Variants in FKTN observed in about 807,000 individuals in gnomAD.
The protein encoded by FKTN is fukutin.
A neutral mutation model predicts 58.6 loss-of-function variants in FKTN; 47 were observed. The ratio of observed to expected loss-of-function variants is 0.80; its 90% confidence interval spans 0.63 to 1.02. The LOEUF is 1.02. Ranked by LOEUF, FKTN falls within the 50% of genes least tolerant of loss-of-function variation. The pLI, the probability that FKTN is intolerant of heterozygous loss-of-function variation, is 0.00. For synonymous variants in FKTN, 178 were observed against 191.9 expected (o/e 0.93, Z 0.60); for missense variants, 516 against 537.3 (o/e 0.96, Z 0.39).
At chr9:105,583,666 A>G (rs1210202760) in intron 3 of FKTN, among the ~76,000 whole-genome samples, 1 of 152,110 alleles carries the variant, frequency 6.6e-6, no homozygotes. Flanking sequence ...TTTTAACTTT[A>G]TATTCATGAT....
rs1834019636 is a variant in FKTN, at chr9:105,636,175, G to T, written c.*911G>T. ...TATATTTTCTGAATTTATAATCTGT[G>T]CACTCCCAATTTTAATGACACTAAA... On this transcript the variant is annotated 3_prime_UTR_variant, in exon 11 of 11. Coordinates refer to ENST00000357998, the MANE Select transcript of FKTN (RefSeq NM_001079802.2). 1 of 905,642 alleles carries T rather than the reference G, an allele frequency of 1.1e-6. No individual in the cohort carries two copies. The allele number at this position is 905,642 out of a possible 1,614,324, so 56.1% of individuals were successfully genotyped here. A position where few individuals can be genotyped will look rare whatever the true frequency, so the allele number is the denominator to read the frequency against.
chr9:105,585,313 TA>T (rs1188576472), intron 3 of FKTN, among the ~76,000 whole-genome samples: 2 of 152,042 alleles, frequency 1.3e-5, no homozygotes, highest in African/African-American at 2.4e-5. Flanking sequence ...TAGTCCTAGC[TA>T]CTTGGGACAC....
intron 3 of FKTN, among the ~76,000 whole-genome samples, chr9:105,590,691 G>C (rs955100804): frequency 6.6e-6 from 1 of 152,194 alleles, no homozygotes; most frequent in Non-Finnish European, 1.5e-5. Context: ...GGAAGAGCAA[G>C]TTTGAGGAAT....
rs977794653 is a variant in FKTN at position 105,636,876 on chromosome 9, T to C, written c.*1612T>C. ...CCCATTCCGGATTTGTAAAGCAACA[T>C]GAAAACCTTTGATAAATGATAACCA... On this transcript the variant is annotated 3_prime_UTR_variant, in exon 11 of 11. Coordinates refer to ENST00000357998, the MANE Select transcript of FKTN (RefSeq NM_001079802.2). The C allele has an allele frequency of 3.6e-6, 4 of 1,115,484 alleles. No homozygotes were observed. Among genetic ancestry groups the C allele is most frequent in the African/African-American group, 3.3e-5 (2 of 61,398 alleles). The allele number at this position is 1,115,484 out of a possible 1,614,324, so 69.1% of individuals were successfully genotyped here. A position where few individuals can be genotyped will look rare whatever the true frequency, so the allele number is the denominator to read the frequency against.
At chr9:105,589,292 G>A (rs1844436274) in intron 3 of FKTN, among the ~76,000 whole-genome samples, 1 of 152,178 alleles carries the variant, frequency 6.6e-6, no homozygotes, top group South Asian at 2.1e-4. Context: ...GAGGTCAGGA[G>A]TTCGAGACCA....
intron 3 of FKTN, among the ~76,000 whole-genome samples, chr9:105,583,452 C>T (rs925863692): frequency 2.6e-5 from 4 of 152,054 alleles, no homozygotes; most frequent in Admixed American, 6.6e-5. Context: ...CATTAGAGGT[C>T]GTTTCTTTGA....
At chr9:105,601,452 C>A in intron 5 of FKTN, 104 bp downstream of exon 5, 3 of 760,380 alleles carry the variant, frequency 3.9e-6, no homozygotes, top group Non-Finnish European at 6.7e-6. Context: ...TCCTGAAACA[C>A]TTTATAAATT....
At chr9:105,611,938 A>G (rs995681321) in intron 7 of FKTN, among the ~76,000 whole-genome samples, 3 of 152,178 alleles carry the variant, frequency 2.0e-5, no homozygotes, top group African/African-American at 4.8e-5. Context: ...TGTCTTCCAC[A>G]ATGGTTGAAC....
At position 105,638,789 on chromosome 9, in the gene FKTN, G is replaced by A. The variant is rs1395189860; in HGVS notation, c.*3525G>A. On this transcript the variant is annotated 3_prime_UTR_variant, in exon 11 of 11. Coordinates refer to ENST00000357998, the MANE Select transcript of FKTN (RefSeq NM_001079802.2). The stretch of plus-strand genomic sequence containing the variant: ...TATTGATACTCTCTGATAAATGCAG[G>A]TAGTTAAGAATAGATTGTACTCATT... The A allele has an allele frequency of 2.0e-6, 2 of 981,284 alleles. No homozygotes were observed. The highest frequency in any genetic ancestry group is 2.4e-6 in the Non-Finnish European group (2 of 826,408). 60.8% of individuals were successfully genotyped at this position (981,284 alleles called of 1,614,324 possible).
At chr9:105,594,576 T>C (rs549702422) in intron 3 of FKTN, among the ~76,000 whole-genome samples, 2 of 152,308 alleles carry the variant, frequency 1.3e-5, no homozygotes, top group East Asian at 3.9e-4. Context: ...ACAACCTGTC[T>C]TTATGAAAAA....
intron 8 of FKTN, among the ~76,000 whole-genome samples, chr9:105,615,642 A>G (rs1830667750): frequency 6.6e-6 from 1 of 152,200 alleles, no homozygotes; most frequent in Non-Finnish European, 1.5e-5. Context: ...TATAAATAAT[A>G]TGTATAAAAT....
At chr9:105,561,502 C>A (rs1838301268) in intron 1 of FKTN, among the ~76,000 whole-genome samples, 1 of 152,140 alleles carries the variant, frequency 6.6e-6, no homozygotes, top group African/African-American at 2.4e-5. Flanking sequence ...CAAAGACAAT[C>A]CTTGCTGTCT....
At chr9:105,570,168 T>C (rs1840491955) in intron 1 of FKTN, among the ~76,000 whole-genome samples, 1 of 152,094 alleles carries the variant, frequency 6.6e-6, no homozygotes, top group African/African-American at 2.4e-5. Context: ...TCAAATTCTG[T>C]TTTATTGTAA....
At chr9:105,590,621 G>A (rs1380945291) in intron 3 of FKTN, among the ~76,000 whole-genome samples, 1 of 152,170 alleles carries the variant, frequency 6.6e-6, no homozygotes, top group Non-Finnish European at 1.5e-5. Context: ...GATAACTCTA[G>A]TATTTTTGTC....
chr9:105,636,321 T>G lies in FKTN; in HGVS notation c.*1057T>G, dbSNP rs1281726178. ...TCTATATACCAATTTAAATGGCATG[T>G]AAACCTGCCTGTTTCTTCTCCTCTT... On this transcript the variant is annotated 3_prime_UTR_variant, in exon 11 of 11. Coordinates refer to ENST00000357998, the MANE Select transcript of FKTN (RefSeq NM_001079802.2). The G allele has an allele frequency of 2.0e-6, 2 of 978,576 alleles. No homozygotes were observed. The highest frequency in any genetic ancestry group is 1.8e-5 in the African/African-American group (1 of 57,120). The allele number at this position is 978,576 out of a possible 1,614,324, so 60.6% of individuals were successfully genotyped here. A position where few individuals can be genotyped will look rare whatever the true frequency, so the allele number is the denominator to read the frequency against.
chr9:105,640,501 C>CA lies in FKTN; in HGVS notation c.*5239dup, dbSNP rs1474531279. On this transcript the variant is annotated 3_prime_UTR_variant, in exon 11 of 11. Coordinates refer to ENST00000357998, the MANE Select transcript of FKTN (RefSeq NM_001079802.2). ...CCGGGAAGCAGAGTCTGCAGTGAGC[C>CA]AAGATCGCGGCATTGCACTTCAGCC... 1 of 162,172 alleles carries CA rather than the reference C, an allele frequency of 6.2e-6. No individual in the cohort carries two copies. The highest frequency in any genetic ancestry group is 1.3e-5 in the Non-Finnish European group (1 of 75,198). 10.0% of individuals were successfully genotyped at this position (162,172 alleles called of 1,614,324 possible). A position where few individuals can be genotyped will look rare whatever the true frequency, so the allele number is the denominator to read the frequency against.
intron 3 of FKTN, among the ~76,000 whole-genome samples, chr9:105,577,591 G>A (rs770782377): frequency 2.0e-5 from 3 of 147,232 alleles, no homozygotes; most frequent in Non-Finnish European, 3.0e-5. Flanking sequence ...ATAGTTTGAA[G>A]TCAGGTAGCG....
In FKTN at chr9:105,596,883, A is replaced by G. The variant is rs569730873; in HGVS notation, c.165+226A>G. The stretch of plus-strand genomic sequence containing the variant: ...AAGTGAGTAAATATTGTTACTCTCA[A>G]TTCACTTAGAGAGATTAAACTTAGT... On this transcript the variant is annotated intron_variant, in intron 4 of 10. Transcript: ENST00000357998. Among the ~76,000 whole-genome samples the G allele has an allele frequency of 8.5e-4, 129 of 152,328 alleles. 1 individual carries two copies. The highest frequency in any genetic ancestry group is 3.9e-3 in the South Asian group (19 of 4,822).
At chr9:105,560,772 G>C (rs991640850) in intron 1 of FKTN, among the ~76,000 whole-genome samples, 3 of 152,114 alleles carry the variant, frequency 2.0e-5, no homozygotes, top group Admixed American at 2.0e-4. Flanking sequence ...TTAAGTACTT[G>C]CATTCTTGAG....
Sources: allele counts gnomAD v4.1 joint callset (sites outside exome capture counted in the v4.1 genomes callset), GRCh38; gene constraint gnomAD v4.1.1; transcripts MANE v1.5; gene names NCBI Gene and HGNC (gene_info 2026-07-23, HGNC 2026-07-21).